The following NACA variants were observed in gnomAD, a reference collection of about 807,000 sequenced individuals.
The protein encoded by NACA is nascent polypeptide-associated complex subunit alpha.
NACA carries 42 observed loss-of-function variants against 86.4 expected under a neutral mutation model. The observed-to-expected ratio is 0.49, with a 90% confidence interval of 0.38 to 0.63. NACA has a LOEUF of 0.63. Ranked by LOEUF, NACA falls within the 20% of genes least tolerant of loss-of-function variation. The pLI is 0.00. For synonymous variants in NACA, 898 were observed against 973.7 expected, an observed-to-expected ratio of 0.92 and a Z score of 1.45; for missense variants, 2,157 against 2,483.6, an observed-to-expected ratio of 0.87 and a Z score of 2.80.
chr12:56,715,872 CTTGT>C lies in NACA; in HGVS notation c.5654_5657del (p.Asn1885ArgfsTer99), dbSNP rs762568208. 1.7e-5 allele frequency: 26 copies of C among 1,514,366 alleles called. No homozygotes were observed. In the African/African-American group the frequency reaches 2.9e-4, roughly 17 times the overall value. 93.8% of individuals were successfully genotyped at this position (1,514,366 alleles called of 1,614,324 possible). On this transcript the variant is annotated frameshift_variant and splice_region_variant, in exon 3 of 9. Transcript: ENST00000454682. LOFTEE classifies it high-confidence loss of function. ...CACACGGCAAACCAAGGCAAATACC[CTTGT>C]TGTTCTTCGTAACAGGTTGCTTGGC... is the stretch of plus-strand genomic sequence containing the variant.
rs778679071 is a variant in NACA, at chr12:56,716,492, C to A, written c.5038G>T (p.Ala1680Ser). 1.3e-6 allele frequency: 2 copies of A among 1,525,458 alleles called. No individual in the cohort carries two copies. Among genetic ancestry groups the A allele is most frequent in the Non-Finnish European group, 1.8e-6 (2 of 1,124,068 alleles). The allele number at this position is 1,525,458 out of a possible 1,614,324, so 94.5% of individuals were successfully genotyped here. A position where few individuals can be genotyped will look rare whatever the true frequency, so the allele number is the denominator to read the frequency against. Residue 1680 changes from alanine (A) to serine (S), a missense_variant, in exon 3 of 9, where the codon GCT (alanine) becomes TCT (serine). This residue lies in a region of NACA where 797 missense variants were observed against 777.6 expected (regional missense o/e 1.02). Coordinates refer to ENST00000454682, the MANE Select transcript of NACA (RefSeq NM_001365896.1). The part of the protein sequence containing the change: ...KGLPAKKGPT[A>S]LKEVLVAPAP... Reference sequence around the variant, plus strand: ...GGGGCAACAAGTACTTCTTTCAGAGCTGTGGGGCCTTTCTTTGCTGGAAGC... The same window carrying A: ...GGGGCAACAAGTACTTCTTTCAGAGATGTGGGGCCTTTCTTTGCTGGAAGC...
chr12:56,712,620 C>T, intron 8 of NACA, 68 bp from the exon 9 acceptor site: 1 of 1,600,696 alleles, frequency 6.2e-7, no homozygotes, highest in South Asian at 1.1e-5. Context: ...CACTAAAACT[C>T]TTACAGGCAA....
intron 2 of NACA, among the ~76,000 whole-genome samples, chr12:56,721,852 T>G (rs1953584959): frequency 6.6e-6 from 1 of 152,182 alleles, no homozygotes. Context: ...TGGACTGTAT[T>G]CCCAAGTCTT....
Position 56,718,226 on chromosome 12 carries a change from C to A in NACA, c.3304G>T (p.Ala1102Ser), listed in dbSNP as rs752858815. Residue 1102 changes from alanine to serine, a missense_variant, in exon 3 of 9, where the codon GCC becomes TCC. Coordinates refer to ENST00000454682, the MANE Select transcript of NACA (RefSeq NM_001365896.1). ...GGAGTTGCAGCTGGGGGCATGGGGGCCCCTTTGGGGGATGGGGTAGCTGGG... is the reference window on the plus strand; with the variant it reads ...GGAGTTGCAGCTGGGGGCATGGGGGACCCTTTGGGGGATGGGGTAGCTGGG... ...GGPATPSPKG[A>S]PMPPAATPPS... The A allele has an allele frequency of 8.8e-7, 1 of 1,133,340 alleles. No individual in the cohort carries two copies. Among genetic ancestry groups the A allele is most frequent in the East Asian group, 4.3e-5 (1 of 23,016 alleles). 70.2% of individuals were successfully genotyped at this position (1,133,340 alleles called of 1,614,324 possible).
chr12:56,714,490 C>T, intron 4 of NACA, 51 bp from the exon 5 acceptor site: 1 of 1,606,118 alleles, frequency 6.2e-7, no homozygotes, highest in Non-Finnish European at 8.5e-7. Flanking sequence ...ATCTGGATAG[C>T]ACAATCTCCT....
In NACA at chr12:56,713,097, T is replaced by C. The variant is rs936969767; in HGVS notation, c.6064A>G (p.Thr2022Ala). Residue 2022 changes from threonine to alanine, a missense_variant, in exon 7 of 9, where the codon ACT becomes GCT. By Grantham distance (58) the Thr-to-Ala change is moderately conservative (BLOSUM62 0). Around this residue, in one of 8 missense-constraint regions of NACA, gnomAD observed 81 missense variants for 200.6 expected, o/e 0.40. Transcript: ENST00000454682. ...AVSNIQENTQTPTVQEESEEE... is the reference protein window; with the variant it reads ...AVSNIQENTQAPTVQEESEEE... ...TCACTCTCCTCTTGTACAGTTGGAGTCTGTGTGTTTTCTTGAATGTTTGAG... is the reference window on the plus strand; with the variant it reads ...TCACTCTCCTCTTGTACAGTTGGAGCCTGTGTGTTTTCTTGAATGTTTGAG... 2 of 1,613,806 alleles carry C rather than the reference T, an allele frequency of 1.2e-6. No homozygotes were observed.
Position 56,716,183 on chromosome 12 carries a change from G to T in NACA, c.5347C>A (p.Pro1783Thr), listed in dbSNP as rs1444312561. 1.2e-6 allele frequency: 2 copies of T among 1,613,608 alleles called. No homozygotes were observed. The highest frequency in any genetic ancestry group is 3.3e-5 in the Admixed American group (2 of 59,976). Residue 1783 changes from proline to threonine, a missense_variant, in exon 3 of 9, where the codon CCT becomes ACT. Physicochemically the swap from Pro to Thr is conservative, Grantham distance 38 (BLOSUM62 -1). Coordinates refer to ENST00000454682, the MANE Select transcript of NACA (RefSeq NM_001365896.1). ...LTAAAFEKVL[P>T]KPESASVSAA... is the part of the protein sequence containing the mutation. The stretch of plus-strand genomic sequence containing the variant: ...GAGACAGATGCTGATTCAGGTTTAG[G>T]AAGGACCTTCTCAAAGGCAGCTGCT...
Position 56,720,705 on chromosome 12 carries a change from G to A in NACA, c.825C>T (p.Ala275=), listed in dbSNP as rs750209011. Residue 275 remains alanine, a synonymous_variant, in exon 3 of 9, where the codon GCC becomes GCT. Coordinates refer to ENST00000454682, the MANE Select transcript of NACA (RefSeq NM_001365896.1). ...GAAGAGACTGAGTTGAAAGAGATAAGGCAGCAGGTGGACTAACAGGCCCCT... is the reference window on the plus strand; with the variant it reads ...GAAGAGACTGAGTTGAAAGAGATAAAGCAGCAGGTGGACTAACAGGCCCCT... The part of the protein sequence containing the change: ...SLKGPVSPPA[A]LSLSTQSLPV... The A allele has an allele frequency of 3.7e-6, 6 of 1,613,972 alleles. No individual in the cohort carries two copies. The South Asian group carries it at 4.4e-5, about 12-fold the overall frequency.
chr12:56,721,399 G>A lies in NACA; in HGVS notation c.131C>T (p.Thr44Ile), dbSNP rs754401289. ...VTAALGQPGP[T>I]LPPPCSPAPQ... is the part of the protein sequence containing the mutation. ...GGCAGGAGAGCAAGGAGGGGGGAGG[G>A]TAGGTCCAGGCTGCCCTAAGGCAGC... Residue 44 changes from threonine to isoleucine, a missense_variant, in exon 3 of 9, where the codon ACC becomes ATC. Thr to Ile is a moderately conservative substitution (Grantham distance 89, BLOSUM62 -1). Transcript: ENST00000454682. 4.5e-5 allele frequency: 71 copies of A among 1,564,212 alleles called. No individual in the cohort carries two copies. The highest frequency in any genetic ancestry group is 3.7e-4 in the Admixed American group (19 of 51,554).
At chr12:56,723,248 A>G (rs755821081) in intron 2 of NACA, among the ~76,000 whole-genome samples, 18 of 152,234 alleles carry the variant, frequency 1.2e-4, no homozygotes, top group Non-Finnish European at 2.6e-4. Context: ...TAAGCCTACT[A>G]TGCAACTCAG....
In NACA at chr12:56,719,176, C is replaced by T. The variant is rs780871894; in HGVS notation, c.2354G>A (p.Gly785Glu). Reference protein sequence around the residue: ...SGASATASSKGTLTYLADSPS... With the variant: ...SGASATASSKETLTYLADSPS... ...GGAATCAGCTAGGTAAGTCAGAGTT[C>T]CTTTGGAAGATGCAGTAGCAGAAGC... Residue 785 changes from glycine (G) to glutamate (E), a missense_variant, in exon 3 of 9, where the codon GGA becomes GAA. This residue lies in a region of NACA where 174 missense variants were observed against 217.0 expected (regional missense o/e 0.80). Coordinates refer to ENST00000454682, the MANE Select transcript of NACA (RefSeq NM_001365896.1). 6.8e-7 allele frequency: 1 copy of T among 1,471,148 alleles called. No individual in the cohort carries two copies. Among genetic ancestry groups the T allele is most frequent in the Non-Finnish European group, 9.2e-7 (1 of 1,087,830 alleles). The allele number at this position is 1,471,148 out of a possible 1,614,324, so 91.1% of individuals were successfully genotyped here.
intron 3 of NACA, among the ~76,000 whole-genome samples, chr12:56,715,616 T>G (rs1953331257): frequency 2.6e-5 from 4 of 152,078 alleles, no homozygotes; most frequent in African/African-American, 9.7e-5. Flanking sequence ...CATGGCAGGC[T>G]CAGGGTAGTC....
Position 56,712,802 on chromosome 12 carries a change from A to C in NACA, c.6206T>G (p.Ile2069Ser). The C allele has an allele frequency of 6.2e-7, 1 of 1,614,180 alleles. No homozygotes were observed. Among genetic ancestry groups the C allele is most frequent in the Non-Finnish European group, 8.5e-7 (1 of 1,180,028 alleles). Reference protein sequence around the residue: ...VRALKNNSNDIVNAIMELTM With the variant: ...VRALKNNSNDSVNAIMELTM Reference sequence around the variant, plus strand: ...AACACTTACCATAATCGCATTTACAATATCATTACTGTTGTTCTTCAGGGC... The same window carrying C: ...AACACTTACCATAATCGCATTTACACTATCATTACTGTTGTTCTTCAGGGC... The change falls in exon 8 of 9, where the codon ATT becomes AGT. Residue 2069 changes from isoleucine (I) to serine (S), a missense_variant. Coordinates refer to ENST00000454682, the MANE Select transcript of NACA (RefSeq NM_001365896.1).
In NACA at chr12:56,721,338, AG is replaced by A; in HGVS notation, c.191del (p.Ala64ValfsTer15). The part of the protein sequence containing the change: ...QQCPLSAANQ[A>X]SPFPSPSTIA... ...TAGTAGAGGGGGAAGGGAATGGGGAAGCCTGGTTAGCAGCTGAGAGAGGGCA... is the reference window on the plus strand; with the variant it reads ...TAGTAGAGGGGGAAGGGAATGGGGAACCTGGTTAGCAGCTGAGAGAGGGCA... On this transcript the variant is annotated frameshift_variant, in exon 3 of 9. Coordinates refer to ENST00000454682, the MANE Select transcript of NACA (RefSeq NM_001365896.1). LOFTEE classifies it high-confidence loss of function. 1 of 1,606,462 alleles carries A rather than the reference AG, an allele frequency of 6.2e-7. No individual in the cohort carries two copies. The highest frequency in any genetic ancestry group is 8.5e-7 in the Non-Finnish European group (1 of 1,176,614).
intron 2 of NACA, among the ~76,000 whole-genome samples, chr12:56,723,176 ATTCT>A (rs1038046148): frequency 2.6e-5 from 4 of 152,222 alleles, no homozygotes; most frequent in African/African-American, 9.7e-5. Context: ...TTCCTTCTTC[ATTCT>A]AATAGACTAT....
rs1953245895 is a variant in NACA, at chr12:56,712,465, T to C, written c.*73A>G. The C allele has an allele frequency of 6.8e-7, 1 of 1,479,398 alleles. No homozygotes were observed. Among genetic ancestry groups the C allele is most frequent in the South Asian group, 1.2e-5 (1 of 85,968 alleles). The allele number at this position is 1,479,398 out of a possible 1,614,324, so 91.6% of individuals were successfully genotyped here. ...CAAGAAGCCATAACTTTATTTATGA[T>C]AGAAACAGTACAAATTTCAAACCAA... On this transcript the variant is annotated 3_prime_UTR_variant, in exon 9 of 9. Transcript: ENST00000454682.
In NACA at chr12:56,720,046, G is replaced by A; in HGVS notation, c.1484C>T (p.Thr495Ile). ...MAPVAPKEPS[T>I]QVATTLRIPV... ...TATCCTCAGAGTGGTTGCTACTTGA[G>A]TAGAAGGCTCTTTGGGAGCCACAGG... Residue 495 changes from threonine to isoleucine, a missense_variant, in exon 3 of 9, where the codon ACT (threonine) becomes ATT (isoleucine). Physicochemically the swap from Thr to Ile is moderately conservative, Grantham distance 89. Coordinates refer to ENST00000454682, the MANE Select transcript of NACA (RefSeq NM_001365896.1). 6.2e-7 allele frequency: 1 copy of A among 1,613,974 alleles called. No individual in the cohort carries two copies. Among genetic ancestry groups the A allele is most frequent in the Non-Finnish European group, 8.5e-7 (1 of 1,179,870 alleles).
In NACA at chr12:56,716,344, G is replaced by A; in HGVS notation, c.5186C>T (p.Pro1729Leu). The A allele has an allele frequency of 2.5e-6, 4 of 1,612,378 alleles. No individual in the cohort carries two copies. Among genetic ancestry groups the A allele is most frequent in the Non-Finnish European group, 3.4e-6 (4 of 1,179,460 alleles). Residue 1729 changes from proline (P) to leucine (L), a missense_variant, in exon 3 of 9, where the codon CCC (proline) becomes CTC (leucine). Coordinates refer to ENST00000454682, the MANE Select transcript of NACA (RefSeq NM_001365896.1). The stretch of plus-strand genomic sequence containing the variant: ...AGGGGCTGGAGCCACTGTGGAAAGG[G>A]GTCCTTTAGAACCATTCTTAGCTGA... ...DPSAKNGSKGPLSTVAPAPLL... is the reference protein window; with the variant it reads ...DPSAKNGSKGLLSTVAPAPLL...
In NACA at chr12:56,719,731, G is replaced by C. The variant is rs756106248; in HGVS notation, c.1799C>G (p.Pro600Arg). 6.2e-7 allele frequency: 1 copy of C among 1,613,932 alleles called. No individual in the cohort carries two copies. The highest frequency in any genetic ancestry group is 8.5e-7 in the Non-Finnish European group (1 of 1,179,866). The stretch of plus-strand genomic sequence containing the variant: ...CATACTGCTGGCTGGCTTACCTATA[G>C]GGAGAGGCTCCCCAAGGCTTTTCTT... ...LAKKSLGEPL[P>R]IGKPASSMTS... is the part of the protein sequence containing the mutation. The change falls in exon 3 of 9, where the codon CCT (proline) becomes CGT (arginine). Residue 600 changes from proline (P) to arginine (R), a missense_variant. Physicochemically the swap from Pro to Arg is moderately radical, Grantham distance 103 (BLOSUM62 -2). Transcript: ENST00000454682.
Sources: allele counts gnomAD v4.1 joint callset (sites outside exome capture counted in the v4.1 genomes callset), GRCh38; gene constraint gnomAD v4.1.1; regional missense constraint gnomAD v4.1.1; transcripts MANE v1.5; gene names NCBI Gene and HGNC (gene_info 2026-07-23, HGNC 2026-07-21).